HIVEP1: variants seen among roughly 807,000 people sequenced by gnomAD.
HIVEP1 encodes the protein zinc finger protein 40.
A neutral mutation model predicts 180.0 loss-of-function variants in HIVEP1; 36 were observed. The observed-to-expected ratio is 0.20, with a 90% CI of 0.15 to 0.26. The LOEUF is 0.26. Ranked by LOEUF, HIVEP1 falls within the 10% of genes least tolerant of loss-of-function variation. The pLI, the probability that HIVEP1 is intolerant of heterozygous loss-of-function variation, is 1.00. For synonymous variants in HIVEP1, 1,239 were observed against 1,239.0 expected, an observed-to-expected ratio of 1.00 and a Z score of 0.00; for missense variants, 3,143 against 3,268.7, an observed-to-expected ratio of 0.96 and a Z score of 0.94.
At chr6:12,107,724 C>T (rs1581694745) in intron 3 of HIVEP1, among the ~76,000 whole-genome samples, 1 of 152,152 alleles carries the variant, frequency 6.6e-6, no homozygotes, top group African/African-American at 2.4e-5. Flanking sequence ...GGATTTGTTG[C>T]AAAGAGTGAA....
chr6:12,124,129 C>G lies in HIVEP1; in HGVS notation c.4334C>G (p.Pro1445Arg), dbSNP rs1218256561. ...LNIAPDSHLS[P>R]VHPTSFQNTA... is the part of the protein sequence containing the mutation. ...ATAGCCCCAGATAGTCATCTGTCTCCTGTACACCCAACATCTTTCCAAAAT... is the reference window on the plus strand; with the variant it reads ...ATAGCCCCAGATAGTCATCTGTCTCGTGTACACCCAACATCTTTCCAAAAT... The change falls in exon 4 of 9, where the codon CCT becomes CGT. Residue 1445 changes from proline to arginine, a missense_variant. Physicochemically the swap from Pro to Arg is moderately radical, Grantham distance 103. This residue lies in a region of HIVEP1 where 1,357 missense variants were observed against 1,260.5 expected (regional missense o/e 1.08). Coordinates refer to ENST00000379388, the MANE Select transcript of HIVEP1 (RefSeq NM_002114.4). 1 of 1,614,164 alleles carries G rather than the reference C, an allele frequency of 6.2e-7. No homozygotes were observed. The highest frequency in any genetic ancestry group is 8.5e-7 in the Non-Finnish European group (1 of 1,180,016).
At chr6:12,088,159 A>G (rs1385475370) in intron 2 of HIVEP1, among the ~76,000 whole-genome samples, 4 of 152,028 alleles carry the variant, frequency 2.6e-5, no homozygotes, top group Non-Finnish European at 5.9e-5. Context: ...TCTGCCTTTT[A>G]TTTATTTGGA....
intron 3 of HIVEP1, among the ~76,000 whole-genome samples, chr6:12,107,650 C>G (rs1437177414): frequency 6.6e-6 from 1 of 152,188 alleles, no homozygotes; most frequent in East Asian, 1.9e-4. Flanking sequence ...AGTGAAGCTG[C>G]AGACCTTCGT....
downstream of HIVEP1, among the ~76,000 whole-genome samples, chr6:12,167,754 A>G (rs959647654): frequency 1.1e-4 from 12 of 113,414 alleles, no homozygotes; most frequent in Admixed American, 1.2e-3. Context: ...GTGCGTGTAT[A>G]ATATATACAT....
the HIVEP1 span, among the ~76,000 whole-genome samples, chr6:12,208,996 G>A: frequency 6.6e-6 from 1 of 152,092 alleles, no homozygotes; most frequent in Non-Finnish European, 1.5e-5. Flanking sequence ...AGCCACTCTG[G>A]CCTCCTCGCT....
chr6:12,206,912 C>A, the HIVEP1 span, among the ~76,000 whole-genome samples: 3 of 151,352 alleles, frequency 2.0e-5, no homozygotes, highest in African/African-American at 7.4e-5. Flanking sequence ...AGGGTGATTG[C>A]GAGTAGGAGT....
chr6:12,014,081 G>C (rs965649106), intron 1 of HIVEP1, among the ~76,000 whole-genome samples: 1 of 151,874 alleles, frequency 6.6e-6, no homozygotes. Context: ...ACAATGTTTA[G>C]TTTAGTCCTT....
At chr6:12,173,797 C>T in the HIVEP1 span, among the ~76,000 whole-genome samples, 6 of 152,120 alleles carry the variant, frequency 3.9e-5, no homozygotes, top group African/African-American at 1.4e-4. Context: ...TGAATGTTGC[C>T]AAATGAGATC....
At chr6:12,198,844 T>C in the HIVEP1 span, among the ~76,000 whole-genome samples, 1 of 152,240 alleles carries the variant, frequency 6.6e-6, no homozygotes, top group Admixed American at 6.5e-5. Flanking sequence ...AAAAAATACC[T>C]TCACGGAAGT....
intron 7 of HIVEP1, among the ~76,000 whole-genome samples, chr6:12,155,417 C>A (rs1759973431): frequency 6.6e-6 from 1 of 151,676 alleles, no homozygotes; most frequent in South Asian, 2.1e-4. Flanking sequence ...CCTATCACCC[C>A]CCAACAGACA....
intron 3 of HIVEP1, among the ~76,000 whole-genome samples, chr6:12,090,735 CTTTTTT>C (rs35266647): frequency 1.7e-3 from 137 of 82,442 alleles, no homozygotes; most frequent in Non-Finnish European, 2.8e-3. Flanking sequence ...TATAGCCAGC[CTTTTTT>C]TTTTTTTTTT....
intron 2 of HIVEP1, among the ~76,000 whole-genome samples, chr6:12,059,304 C>A (rs991084302): frequency 8.5e-5 from 13 of 152,154 alleles, no homozygotes; most frequent in African/African-American, 2.9e-4. Flanking sequence ...TCCCAAAGTG[C>A]TGGAATTACA....
Position 12,077,329 on chromosome 6 carries a change from A to T in HIVEP1, c.41-11855A>T, listed in dbSNP as rs181126090. On this transcript the variant is annotated intron_variant, in intron 2 of 8. Transcript: ENST00000379388. ...CTGGCAATACAGAGCTCATCCTGCT[A>T]ACGTCATCCCTGGTGGCGATGCCAT... Among the ~76,000 whole-genome samples, 608 of 152,302 alleles carry T rather than the reference A, an allele frequency of 4.0e-3. 3 individuals carry two copies. Among genetic ancestry groups the T allele is most frequent in the Admixed American group, 0.011 (162 of 15,302 alleles).
chr6:12,178,993 A>G, the HIVEP1 span, among the ~76,000 whole-genome samples: 1 of 152,240 alleles, frequency 6.6e-6, no homozygotes, highest in Admixed American at 6.5e-5. Flanking sequence ...AATTTATACA[A>G]TGGGATCCAA....
At chr6:12,139,541 A>G (rs779467431) in intron 7 of HIVEP1, among the ~76,000 whole-genome samples, 1 of 152,224 alleles carries the variant, frequency 6.6e-6, no homozygotes, top group Non-Finnish European at 1.5e-5. Context: ...GCATCGCCTC[A>G]CCCAGGAAGC....
At chr6:12,097,796 C>T (rs1773864128) in intron 3 of HIVEP1, among the ~76,000 whole-genome samples, 1 of 152,130 alleles carries the variant, frequency 6.6e-6, no homozygotes. Flanking sequence ...ATAAACAAAG[C>T]ATTTTGTAGT....
intron 2 of HIVEP1, among the ~76,000 whole-genome samples, chr6:12,080,046 A>T (rs1353295787): frequency 5.3e-5 from 8 of 152,028 alleles, no homozygotes; most frequent in African/African-American, 1.9e-4. Context: ...AAATGAGTTA[A>T]ATCTTTAAAA....
At chr6:12,205,427 C>T in the HIVEP1 span, among the ~76,000 whole-genome samples, 6 of 151,590 alleles carry the variant, frequency 4.0e-5, no homozygotes, top group African/African-American at 1.2e-4. Flanking sequence ...GCCGAGATTG[C>T]GCCACTGCAC....
At chr6:12,047,840 C>T (rs1770241349) in intron 2 of HIVEP1, among the ~76,000 whole-genome samples, 2 of 152,162 alleles carry the variant, frequency 1.3e-5, no homozygotes, top group African/African-American at 4.8e-5. Context: ...GTCATGGAAC[C>T]CTCTTAGTTT....
Sources: allele counts gnomAD v4.1 joint callset (sites outside exome capture counted in the v4.1 genomes callset), GRCh38; gene constraint gnomAD v4.1.1; regional missense constraint gnomAD v4.1.1; transcripts MANE v1.5; gene names NCBI Gene and HGNC (gene_info 2026-07-23, HGNC 2026-07-21).